The following CSMD1 variants were observed in gnomAD, a reference collection of about 807,000 sequenced individuals.
The protein encoded by CSMD1 is CUB and Sushi multiple domains 1.
In CSMD1, 213 loss-of-function variants were observed where a neutral mutation model predicts 417.5. The observed-to-expected ratio is 0.51, with a 90% CI of 0.46 to 0.57. CSMD1 has a LOEUF of 0.57. Ranked by LOEUF, CSMD1 falls within the 20% of genes least tolerant of loss-of-function variation. The pLI is 0.00. For missense variants in CSMD1, 6,923 were observed against 4,529.7 expected (o/e 1.53, Z -15.17); for synonymous variants, 2,862 against 1,736.8 (o/e 1.65, Z -16.11).
In CSMD1 at chr8:3,094,938, G is replaced by C. The variant is rs183479991; in HGVS notation, c.7138+1911C>G. 2.4e-4 allele frequency among the ~76,000 whole-genome samples: 36 copies of C among 151,920 alleles called. 2 individuals are homozygous for C. The East Asian group carries it at 6.4e-3, about 27-fold the overall frequency. ...TTTCACTTTGTAGAAAAAACTTTAA[G>C]ACCAGACAATCCTAGTCACTGATTT... On this transcript the variant is annotated intron_variant, in intron 47 of 69. Coordinates refer to ENST00000635120, the MANE Select transcript of CSMD1 (RefSeq NM_033225.6).
intron 10 of CSMD1, among the ~76,000 whole-genome samples, chr8:3,557,972 A>G (rs916281969): frequency 6.6e-5 from 10 of 152,160 alleles, no homozygotes; most frequent in African/African-American, 2.2e-4. Context: ...TACTACTCCA[A>G]TGATGAATGG....
intron 13 of CSMD1, among the ~76,000 whole-genome samples, chr8:3,409,044 G>A (rs767174373): frequency 6.6e-6 from 1 of 152,130 alleles, no homozygotes; most frequent in Non-Finnish European, 1.5e-5. Context: ...TGCTCGCACT[G>A]GTGAACAACT....
At chr8:3,405,099 C>T (rs1401665649) in intron 15 of CSMD1, among the ~76,000 whole-genome samples, 1 of 152,098 alleles carries the variant, frequency 6.6e-6, no homozygotes, top group African/African-American at 2.4e-5. Flanking sequence ...TTAGGAAATG[C>T]CAGTTTCTAC....
chr8:3,610,309 G>A (rs531836368), intron 8 of CSMD1, among the ~76,000 whole-genome samples: 51 of 152,274 alleles, frequency 3.3e-4, no homozygotes, highest in African/African-American at 1.1e-3. Context: ...AAGGAGGGAG[G>A]ACTGCTTGAG....
chr8:4,376,009 G>C (rs975458334), intron 3 of CSMD1, among the ~76,000 whole-genome samples: 1 of 152,136 alleles, frequency 6.6e-6, no homozygotes, highest in Non-Finnish European at 1.5e-5. Flanking sequence ...CCAAGGGATT[G>C]TCTATGGTGG....
intron 2 of CSMD1, among the ~76,000 whole-genome samples, chr8:4,467,755 T>C (rs1049130937): frequency 2.0e-5 from 3 of 152,118 alleles, no homozygotes; most frequent in African/African-American, 7.2e-5. Context: ...TAACAAAATA[T>C]TTACCGTAGA....
At chr8:4,937,245 A>C (rs1298221452) in intron 1 of CSMD1, among the ~76,000 whole-genome samples, 3 of 151,762 alleles carry the variant, frequency 2.0e-5, no homozygotes, top group Non-Finnish European at 4.4e-5. Flanking sequence ...TATTTTTTAT[A>C]AATATAAGGA....
intron 10 of CSMD1, among the ~76,000 whole-genome samples, chr8:3,553,668 G>A (rs1799016185): frequency 6.6e-6 from 1 of 152,088 alleles, no homozygotes; most frequent in Non-Finnish European, 1.5e-5. Flanking sequence ...TTGTTAACTT[G>A]GGATAGGGAA....
chr8:4,606,081 G>A (rs1477431677), intron 2 of CSMD1, among the ~76,000 whole-genome samples: 2 of 152,084 alleles, frequency 1.3e-5, no homozygotes, highest in South Asian at 2.1e-4. Flanking sequence ...GTGGTGGGAG[G>A]CTATATCTCA....
At chr8:3,312,513 T>C (rs1290643218) in intron 23 of CSMD1, among the ~76,000 whole-genome samples, 1 of 152,202 alleles carries the variant, frequency 6.6e-6, no homozygotes. Context: ...GTTTTCCAAT[T>C]TTCAGTAGAC....
At chr8:4,741,104 C>T (rs1041148525) in intron 1 of CSMD1, among the ~76,000 whole-genome samples, 1 of 152,112 alleles carries the variant, frequency 6.6e-6, no homozygotes, top group African/African-American at 2.4e-5. Context: ...CTCACAAGAT[C>T]CATCCTAGTA....
chr8:3,222,872 G>T (rs926479472), intron 28 of CSMD1, among the ~76,000 whole-genome samples: 5 of 152,146 alleles, frequency 3.3e-5, no homozygotes, highest in Admixed American at 3.3e-4. Flanking sequence ...ATCTCATCAG[G>T]AGGAGAAAGT....
At chr8:4,857,054 A>G (rs1320333483) in intron 1 of CSMD1, among the ~76,000 whole-genome samples, 1 of 149,106 alleles carries the variant, frequency 6.7e-6, no homozygotes, top group Non-Finnish European at 1.5e-5. Context: ...AACAGAAATT[A>G]TAACAAACTA....
intron 10 of CSMD1, among the ~76,000 whole-genome samples, chr8:3,524,196 C>T (rs1485036620): frequency 2.6e-5 from 4 of 151,794 alleles, no homozygotes; most frequent in Non-Finnish European, 5.9e-5. Context: ...CTCACATATG[C>T]ACACACATGC....
chr8:3,623,617 G>C (rs1007654015), intron 7 of CSMD1, among the ~76,000 whole-genome samples: 1 of 152,084 alleles, frequency 6.6e-6, no homozygotes, highest in Non-Finnish European at 1.5e-5. Context: ...CTTATAATCA[G>C]GCTATGAATT....
chr8:4,790,899 T>C (rs903975910), intron 1 of CSMD1, among the ~76,000 whole-genome samples: 1 of 152,072 alleles, frequency 6.6e-6, no homozygotes, highest in Non-Finnish European at 1.5e-5. Context: ...ACATAGGAAA[T>C]ACCATTTTGG....
At chr8:4,736,524 A>G (rs2116982130) in intron 1 of CSMD1, among the ~76,000 whole-genome samples, 1 of 152,292 alleles carries the variant, frequency 6.6e-6, no homozygotes, top group East Asian at 1.9e-4. Context: ...CACTGCGGCC[A>G]TGACAGCATG....
At position 3,955,098 on chromosome 8, in the gene CSMD1, G is replaced by T. The variant is rs557461696; in HGVS notation, c.818+42805C>A. Among the ~76,000 whole-genome samples, 3 of 152,242 alleles carry T rather than the reference G, an allele frequency of 2.0e-5. No homozygotes were observed. In the East Asian group the frequency reaches 5.8e-4, roughly 29 times the overall value. On this transcript the variant is annotated intron_variant, in intron 5 of 69. Transcript: ENST00000635120. Reference sequence around the variant, plus strand: ...TCACCTGACATTTCTAGTGGGTGCGGGAAAGCCGTCTCCTGCCCCCCTCAT... The same window carrying T: ...TCACCTGACATTTCTAGTGGGTGCGTGAAAGCCGTCTCCTGCCCCCCTCAT...
At chr8:3,086,074 G>C (rs1258203727) in intron 49 of CSMD1, among the ~76,000 whole-genome samples, 4 of 152,110 alleles carry the variant, frequency 2.6e-5, no homozygotes, top group African/African-American at 7.2e-5. Flanking sequence ...TGTTCTCTGA[G>C]CTGAAGTTGG....
Sources: gnomAD v4.1 joint callset for allele counts (sites outside exome capture counted in the v4.1 genomes callset) on GRCh38, gnomAD v4.1.1 for gene constraint, MANE v1.5 for transcripts, NCBI Gene and HGNC (gene_info 2026-07-23, HGNC 2026-07-21) for gene names.